SLC38A11: variants seen among roughly 807,000 people sequenced by gnomAD.
SLC38A11 encodes the protein putative sodium-coupled neutral amino acid transporter 11.
A neutral mutation model predicts 49.4 loss-of-function variants in SLC38A11; 51 were observed. That is an observed-to-expected ratio of 1.03 (90% CI 0.83 to 1.30). SLC38A11 has a LOEUF of 1.30. Ranked by LOEUF, SLC38A11 falls within the 50% of genes most tolerant of loss-of-function variation. SLC38A11 has a pLI of 0.00. For synonymous variants in SLC38A11, 203 were observed against 192.9 expected (o/e 1.05, Z -0.43); for missense variants, 574 against 556.2 (o/e 1.03, Z -0.32).
intron 2 of SLC38A11, chr2:164,953,095 A>T: frequency 3.5e-6 from 1 of 284,606 alleles, no homozygotes. Flanking sequence ...TAAGAGTGAC[A>T]TAGCCCTGCA....
chr2:164,917,923 A>G (rs1328459524), intron 7 of SLC38A11, among the ~76,000 whole-genome samples: 1 of 152,128 alleles, frequency 6.6e-6, no homozygotes, highest in Admixed American at 6.6e-5. Context: ...CATAATGATG[A>G]TGATTTTATA....
In SLC38A11 at chr2:164,894,909, G is replaced by A. The variant is rs1357352337; in HGVS notation, c.*3528C>T. Among the ~76,000 whole-genome samples the A allele has an allele frequency of 1.3e-5, 2 of 152,030 alleles. No individual in the cohort carries two copies. Among genetic ancestry groups the A allele is most frequent in the Admixed American group, 1.3e-4 (2 of 15,252 alleles). On this transcript the variant is annotated 3_prime_UTR_variant, in exon 12 of 12. Transcript: ENST00000685975. Reference sequence around the variant, plus strand: ...TATTCCTACATCTTGCTTGTATTGTGTCCCAGCCTCTAAACAGATGGCTCC... The same window carrying A: ...TATTCCTACATCTTGCTTGTATTGTATCCCAGCCTCTAAACAGATGGCTCC...
chr2:164,915,890 A>C lies in SLC38A11; in HGVS notation c.688+13T>G, dbSNP rs375033321. ...TCCACATTGAGAAAGGGCCTTTGAA[A>C]CCAAATACTCACCAAAAGACATAAC... On this transcript the variant is annotated intron_variant, in intron 8 of 11. Transcript: ENST00000685975. 1 of 1,590,552 alleles carries C rather than the reference A, an allele frequency of 6.3e-7. No individual in the cohort carries two copies. Among genetic ancestry groups the C allele is most frequent in the Non-Finnish European group, 8.6e-7 (1 of 1,162,860 alleles).
chr2:164,926,766 G>A (rs1012506837), intron 7 of SLC38A11, among the ~76,000 whole-genome samples: 1 of 149,944 alleles, frequency 6.7e-6, no homozygotes, highest in Non-Finnish European at 1.5e-5. Flanking sequence ...CGCAAGGACA[G>A]AAAATCAAAC....
intron 7 of SLC38A11, among the ~76,000 whole-genome samples, chr2:164,923,955 C>T (rs776500753): frequency 6.6e-6 from 1 of 152,018 alleles, no homozygotes; most frequent in Non-Finnish European, 1.5e-5. Context: ...CCAAGGAGTC[C>T]CGTTACTGGG....
intron 3 of SLC38A11, among the ~76,000 whole-genome samples, chr2:164,947,996 G>T (rs926257274): frequency 2.6e-5 from 4 of 152,120 alleles, no homozygotes; most frequent in African/African-American, 9.7e-5. Flanking sequence ...CCACCAGGTG[G>T]ATCTGGCCAT....
chr2:164,946,979 A>T (rs1688155630), intron 3 of SLC38A11, among the ~76,000 whole-genome samples: 1 of 151,638 alleles, frequency 6.6e-6, no homozygotes, highest in Non-Finnish European at 1.5e-5. Context: ...CATTCCTTTT[A>T]TTCTCAACCA....
In SLC38A11 at chr2:164,896,301, C is replaced by T. The variant is rs1350643685; in HGVS notation, c.*2136G>A. 6.6e-6 allele frequency: 1 copy of T among 152,104 alleles called. No homozygotes were observed. Among genetic ancestry groups the T allele is most frequent in the Non-Finnish European group, 1.5e-5 (1 of 68,012 alleles). 9.4% of individuals were successfully genotyped at this position (152,104 alleles called of 1,614,324 possible). A position where few individuals can be genotyped will look rare whatever the true frequency, so the allele number is the denominator to read the frequency against. ...CTGATTAAAAATAAATAAACCAATA[C>T]ATGTTTATTAGGCACTAATGCTGCG... On this transcript the variant is annotated 3_prime_UTR_variant, in exon 12 of 12. Transcript: ENST00000685975.
intron 11 of SLC38A11, among the ~76,000 whole-genome samples, chr2:164,906,195 A>G (rs1049539861): frequency 8.5e-5 from 13 of 152,212 alleles, no homozygotes; most frequent in Non-Finnish European, 1.9e-4. Flanking sequence ...AAATATCAAC[A>G]AACAAATTTG....
chr2:164,898,948 AGTAT>A (rs1484611451), intron 11 of SLC38A11, among the ~76,000 whole-genome samples: 3 of 152,202 alleles, frequency 2.0e-5, no homozygotes, highest in Non-Finnish European at 4.4e-5. Flanking sequence ...ATAATGAAAT[AGTAT>A]AACAGCTTTT....
At chr2:164,904,021 C>G (rs1225224723) in intron 11 of SLC38A11, among the ~76,000 whole-genome samples, 1 of 152,122 alleles carries the variant, frequency 6.6e-6, no homozygotes, top group Non-Finnish European at 1.5e-5. Context: ...CAAAAAGAAA[C>G]TCTCTCTTGC....
At chr2:164,917,365 T>C (rs1224378365) in intron 7 of SLC38A11, among the ~76,000 whole-genome samples, 2 of 152,246 alleles carry the variant, frequency 1.3e-5, no homozygotes, top group East Asian at 1.9e-4. Flanking sequence ...TCATCCTTTT[T>C]CCCATATATG....
chr2:164,949,722 C>T (rs1688388825), intron 3 of SLC38A11, among the ~76,000 whole-genome samples: 2 of 152,270 alleles, frequency 1.3e-5, no homozygotes, highest in South Asian at 4.2e-4. Context: ...GAATGTCAGG[C>T]AGGAGGACTA....
chr2:164,913,164 A>C (rs2105459250), intron 9 of SLC38A11, among the ~76,000 whole-genome samples: 1 of 151,940 alleles, frequency 6.6e-6, no homozygotes, highest in Middle Eastern at 3.4e-3. Context: ...AGTGGCTCTC[A>C]CCCCTCCCCC....
chr2:164,945,741 A>G lies in SLC38A11; in HGVS notation c.230-14T>C. On this transcript the variant is annotated splice_polypyrimidine_tract_variant and intron_variant, in intron 3 of 11. Coordinates refer to ENST00000685975, the MANE Select transcript of SLC38A11 (RefSeq NM_001351537.2). ...CAAGGGAAAAGTCTGTGGCAAGAAC[A>G]TCAATTAAATGTCAGATTACATGTA... is the stretch of plus-strand genomic sequence containing the variant. 2 of 1,599,392 alleles carry G rather than the reference A, an allele frequency of 1.3e-6. No individual in the cohort carries two copies. The highest frequency in any genetic ancestry group is 1.7e-6 in the Non-Finnish European group (2 of 1,176,748).
Position 164,908,684 on chromosome 2 carries a change from C to A in SLC38A11, c.1051G>T (p.Val351Leu), listed in dbSNP as rs141629634. 4,622 of 1,608,642 alleles carry A rather than the reference C, an allele frequency of 2.9e-3. 15 individuals are homozygous for A. Among genetic ancestry groups the A allele is most frequent in the Middle Eastern group, 6.5e-3 (39 of 6,046 alleles). The stretch of plus-strand genomic sequence containing the variant: ...CCGAGGCAATCAATCAGCAATGACA[C>A]AAGCGTGGCTACAGTGATGACCATC... The part of the protein sequence containing the change: ...TVMVITVATL[V>L]SLLIDCLGIV... The change falls in exon 11 of 12, where the codon GTG becomes TTG. Residue 351 changes from valine to leucine, a missense_variant. By Grantham distance (32) the Val-to-Leu change is conservative. Coordinates refer to ENST00000685975, the MANE Select transcript of SLC38A11 (RefSeq NM_001351537.2).
At chr2:164,953,658 A>G (rs777894669) in intron 2 of SLC38A11, among the ~76,000 whole-genome samples, 3 of 152,172 alleles carry the variant, frequency 2.0e-5, no homozygotes, top group Non-Finnish European at 2.9e-5. Flanking sequence ...AAGACTATCC[A>G]TAGAAAAATG....
chr2:164,897,828 T>C lies in SLC38A11; in HGVS notation c.*609A>G, dbSNP rs1445332141. Reference sequence around the variant, plus strand: ...ACAGCATCAGAAGATGGGAGGTGATTTTGATTCTTTACACACCTTGCTCCT... The same window carrying C: ...ACAGCATCAGAAGATGGGAGGTGATCTTGATTCTTTACACACCTTGCTCCT... On this transcript the variant is annotated 3_prime_UTR_variant, in exon 12 of 12. Transcript: ENST00000685975. 1 of 152,136 alleles carries C rather than the reference T, an allele frequency of 6.6e-6. No individual in the cohort carries two copies. Among genetic ancestry groups the C allele is most frequent in the African/African-American group, 2.4e-5 (1 of 41,414 alleles). The allele number at this position is 152,136 out of a possible 1,614,324, so 9.4% of individuals were successfully genotyped here. A position where few individuals can be genotyped will look rare whatever the true frequency, so the allele number is the denominator to read the frequency against.
At chr2:164,903,445 A>G (rs1684792464) in intron 11 of SLC38A11, among the ~76,000 whole-genome samples, 1 of 152,178 alleles carries the variant, frequency 6.6e-6, no homozygotes, top group South Asian at 2.1e-4. Context: ...TAGAGGAAAG[A>G]CTATATAGCT....
Sources: allele counts gnomAD v4.1 joint callset (sites outside exome capture counted in the v4.1 genomes callset), GRCh38; gene constraint gnomAD v4.1.1; transcripts MANE v1.5; gene names NCBI Gene and HGNC (gene_info 2026-07-23, HGNC 2026-07-21).